The following NBEAL1 variants were observed in gnomAD, a reference collection of about 807,000 sequenced individuals.
The protein encoded by NBEAL1 is neurobeachin like 1, also known as neurobeachin-like protein 1.
A neutral mutation model predicts 351.3 loss-of-function variants in NBEAL1; 273 were observed. The ratio of observed to expected loss-of-function variants is 0.78; its 90% CI spans 0.70 to 0.86. The LOEUF is 0.86. Among genes scored for constraint, NBEAL1 ranks in the 40% least tolerant of loss-of-function variants. The pLI is 0.00. For missense variants in NBEAL1, 2,961 were observed against 3,201.3 expected, an observed-to-expected ratio of 0.92 and a Z score of 1.81; for synonymous variants, 1,050 against 1,086.4, an observed-to-expected ratio of 0.97 and a Z score of 0.66.
intron 3 of NBEAL1, among the ~76,000 whole-genome samples, chr2:203,044,512 C>T (rs1418616481): frequency 6.6e-6 from 1 of 152,084 alleles, no homozygotes; most frequent in African/African-American, 2.4e-5. Flanking sequence ...TGTCTCTTTT[C>T]TTGGGACACT....
chr2:203,114,111 C>T (rs997472298), intron 17 of NBEAL1, among the ~76,000 whole-genome samples: 17 of 151,970 alleles, frequency 1.1e-4, no homozygotes, highest in Non-Finnish European at 1.6e-4. Context: ...CGTGAGCCAC[C>T]GCGCCCAGCC....
intron 54 of NBEAL1, 57 bp downstream of exon 54, chr2:203,211,163 T>C: frequency 8.2e-7 from 1 of 1,221,008 alleles, no homozygotes; most frequent in Non-Finnish European, 1.1e-6. Flanking sequence ...ACTTCTAGTC[T>C]AGAGTGAAAA....
intron 42 of NBEAL1, among the ~76,000 whole-genome samples, chr2:203,179,856 C>G (rs1015167509): frequency 1.3e-5 from 2 of 152,090 alleles, no homozygotes; most frequent in Admixed American, 1.3e-4. Flanking sequence ...TCCCAGGAAT[C>G]TCTGCCTCCC....
At chr2:203,191,319 G>GAAAAAAAAAA in intron 46 of NBEAL1, 1 of 391,076 alleles carries the variant, frequency 2.6e-6, no homozygotes, top group South Asian at 5.2e-5. Context: ...TTTGACAACT[G>GAAAAAAAAAA]AAAAAAAAAA....
chr2:203,023,432 T>C (rs1475068653), intron 2 of NBEAL1, among the ~76,000 whole-genome samples: 1 of 152,358 alleles, frequency 6.6e-6, no homozygotes, highest in Non-Finnish European at 1.5e-5. Context: ...GTATAGTTTA[T>C]ATCAGTGGAC....
In NBEAL1 at chr2:203,209,175, T is replaced by C. The variant is rs1425974757; in HGVS notation, c.7638T>C (p.Ile2546=). 6.2e-7 allele frequency: 1 copy of C among 1,613,264 alleles called. No individual in the cohort carries two copies. ...CCTGTGTGTAGGATGGAACGGTGAT[T>C]ATACATACCATTCAGAAAGGTCAGT... ...AVSGSRDGTV[I]IHTIQKGQYM... is the part of the protein sequence containing the mutation. The change falls in exon 53 of 56, where the codon ATT becomes ATC. Residue 2546 remains isoleucine, a synonymous_variant. Transcript: ENST00000683969.
rs772106501 is a variant in NBEAL1 at position 203,172,722 on chromosome 2, CT to C, written c.6199-3del. On this transcript the variant is annotated splice_region_variant and splice_polypyrimidine_tract_variant and intron_variant, in intron 40 of 55. Transcript: ENST00000683969. Reference sequence around the variant, plus strand: ...AATGTCTAAATTGTAAATTATGGCTCTTTTAGTTTCCCTGGATTTTACAAGA... The same window carrying C: ...AATGTCTAAATTGTAAATTATGGCTCTTTAGTTTCCCTGGATTTTACAAGA... The C allele has an allele frequency of 6.2e-7, 1 of 1,601,870 alleles. No homozygotes were observed. Among genetic ancestry groups the C allele is most frequent in the South Asian group, 1.1e-5 (1 of 88,002 alleles).
chr2:203,134,106 G>A (rs2063142616), intron 27 of NBEAL1, among the ~76,000 whole-genome samples: 1 of 152,022 alleles, frequency 6.6e-6, no homozygotes, highest in East Asian at 1.9e-4. Flanking sequence ...TTTCCACATT[G>A]TCCTTCAAAA....
chr2:203,041,597 G>GA (rs1336546097), intron 2 of NBEAL1, among the ~76,000 whole-genome samples, 168 bp from the exon 3 acceptor site: 2 of 152,160 alleles, frequency 1.3e-5, no homozygotes, highest in African/African-American at 4.8e-5. Flanking sequence ...GAAGCCATTT[G>GA]AGAGTTCCAT....
At chr2:203,206,835 C>G (rs11674841) in intron 51 of NBEAL1, among the ~76,000 whole-genome samples, 4 of 149,394 alleles carry the variant, frequency 2.7e-5, no homozygotes, top group Admixed American at 2.7e-4. Context: ...TCTGCCCGGC[C>G]GCCACCCCGT....
chr2:203,126,060 T>C lies in NBEAL1; in HGVS notation c.2952T>C (p.His984=). The part of the protein sequence containing the change: ...PINQGNLIHS[H]GVATLGALLQ... The stretch of plus-strand genomic sequence containing the variant: ...ACCAGGGCAATCTTATTCACTCCCA[T>C]GGAGTTGCAACTCTTGGTGCTTTAC... The change falls in exon 21 of 56, where the codon CAT becomes CAC. Residue 984 remains histidine (H), a synonymous_variant. Coordinates refer to ENST00000683969, the MANE Select transcript of NBEAL1 (RefSeq NM_001378026.1). The C allele has an allele frequency of 6.5e-7, 1 of 1,544,570 alleles. No individual in the cohort carries two copies. Among genetic ancestry groups the C allele is most frequent in the Non-Finnish European group, 8.7e-7 (1 of 1,144,176 alleles).
chr2:203,131,000 T>C (rs2063059057), intron 25 of NBEAL1, among the ~76,000 whole-genome samples: 1 of 152,254 alleles, frequency 6.6e-6, no homozygotes, highest in South Asian at 2.1e-4. Flanking sequence ...TTAATTTTAA[T>C]AACTGTTACT....
chr2:203,216,930 A>G (rs963588603), intron 55 of NBEAL1, among the ~76,000 whole-genome samples: 3 of 152,102 alleles, frequency 2.0e-5, no homozygotes, highest in Non-Finnish European at 4.4e-5. Context: ...CAGCCTCCCA[A>G]GTGGCTGGGA....
rs528731865 is a variant in NBEAL1, at chr2:203,018,897, T to C, written c.51+2462T>C. Among the ~76,000 whole-genome samples, 30 of 152,324 alleles carry C rather than the reference T, an allele frequency of 2.0e-4. 1 individual carries two copies. Among genetic ancestry groups the C allele is most frequent in the South Asian group, 1.5e-3 (7 of 4,822 alleles). On this transcript the variant is annotated intron_variant, in intron 2 of 55. Transcript: ENST00000683969. ...ACACAATTTTTAAAATTATCAAATA[T>C]GTGATCAATGTTCTTACTTTCCTCC...
intron 44 of NBEAL1, among the ~76,000 whole-genome samples, chr2:203,183,807 C>G (rs1292829949): frequency 2.6e-5 from 4 of 152,116 alleles, no homozygotes; most frequent in Non-Finnish European, 5.9e-5. Context: ...AGCACAGTGG[C>G]TCACACCTGT....
In NBEAL1 at chr2:203,136,153, A is replaced by G; in HGVS notation, c.4290A>G (p.Val1430=). Residue 1430 remains valine, a synonymous_variant, in exon 28 of 56, where the codon GTA becomes GTG. Coordinates refer to ENST00000683969, the MANE Select transcript of NBEAL1 (RefSeq NM_001378026.1). ...GTCTGCCTAGCACACCATCCCCAGT[A>G]GAGTCTACTAAATCGTTTTCTGTGC... ...PDSLPSTPSP[V]ESTKSFSVHS... 6.2e-7 allele frequency: 1 copy of G among 1,614,132 alleles called. No homozygotes were observed. The highest frequency in any genetic ancestry group is 8.5e-7 in the Non-Finnish European group (1 of 1,179,994).
intron 52 of NBEAL1, 74 bp from the exon 53 acceptor site, chr2:203,209,087 C>G: frequency 8.4e-7 from 1 of 1,183,906 alleles, no homozygotes; most frequent in Admixed American, 2.0e-5. Flanking sequence ...CTTTATCTGG[C>G]CCACTCTACT....
chr2:203,096,911 A>G (rs926175901), intron 10 of NBEAL1, among the ~76,000 whole-genome samples: 1 of 152,210 alleles, frequency 6.6e-6, no homozygotes, highest in Non-Finnish European at 1.5e-5. Flanking sequence ...TGTGTCAGTA[A>G]CAGCTTTCCT....
chr2:203,056,364 T>C, intron 4 of NBEAL1, 63 bp from the exon 5 acceptor site: 1 of 865,486 alleles, frequency 1.2e-6, no homozygotes, highest in Non-Finnish European at 1.9e-6. Flanking sequence ...TCAAGCTGAA[T>C]TCATGAACAT....
Sources: allele counts gnomAD v4.1 joint callset (sites outside exome capture counted in the v4.1 genomes callset), GRCh38; gene constraint gnomAD v4.1.1; transcripts MANE v1.5; gene names NCBI Gene and HGNC (gene_info 2026-07-23, HGNC 2026-07-21).